The following LPA variants were observed in gnomAD, a reference collection of about 807,000 sequenced individuals.
LPA encodes the protein apolipoprotein(a).
A neutral mutation model predicts 197.9 loss-of-function variants in LPA; 199 were observed. The ratio of observed to expected loss-of-function variants is 1.01; its 90% CI spans 0.90 to 1.13. The LOEUF (loss-of-function observed/expected upper bound fraction) is 1.13, where lower values mean the gene tolerates loss of function less well. Ranked by LOEUF, LPA falls within the 50% of genes most tolerant of loss-of-function variation. LPA has a pLI of 0.00. For missense variants in LPA, 1,853 were observed against 1,785.8 expected (o/e 1.04, Z -0.68); for synonymous variants, 715 against 639.5 (o/e 1.12, Z -1.78).
chr6:160,648,790 G>T (rs890827378), intron 2 of LPA, among the ~76,000 whole-genome samples: 1 of 152,062 alleles, frequency 6.6e-6, no homozygotes, highest in African/African-American at 2.4e-5. Context: ...TGGATAAGGT[G>T]TCTGTTGCAT....
In LPA at chr6:160,560,425, C is replaced by A. The variant is rs563598478; in HGVS notation, c.4632-2854G>T. Among the ~76,000 whole-genome samples the A allele has an allele frequency of 2.7e-4, 41 of 152,202 alleles. 1 individual carries two copies. The highest frequency in any genetic ancestry group is 9.6e-4 in the African/African-American group (40 of 41,560). On this transcript the variant is annotated intron_variant, in intron 28 of 38. Transcript: ENST00000316300. ...CCACCAACAGTGTAAATGTGTTCCT[C>A]TTTCTCCACACATCCTCTTCAGCAT...
At chr6:160,663,844 C>T (rs41269848) in intron 1 of LPA, among the ~76,000 whole-genome samples, 30 of 152,146 alleles carry the variant, frequency 2.0e-4, no homozygotes, top group African/African-American at 7.0e-4. Context: ...GAGAACCAAG[C>T]GAAGAGCTTA....
At chr6:160,658,891 TGAGAGAGA>T (rs4063599) in intron 1 of LPA, among the ~76,000 whole-genome samples, 2 of 148,932 alleles carry the variant, frequency 1.3e-5, no homozygotes, top group Non-Finnish European at 3.0e-5. Context: ...TATATATATA[TGAGAGAGA>T]GAGAGAGAGA....
At chr6:160,637,709 G>T (rs146562555) in intron 6 of LPA, among the ~76,000 whole-genome samples, 3,345 of 126,744 alleles carry the variant, frequency 0.026, no homozygotes, top group Admixed American at 0.098. Flanking sequence ...ATTTAATTTG[G>T]CTATTCTGTA....
At chr6:160,647,778 T>C (rs778581533) in intron 2 of LPA, among the ~76,000 whole-genome samples, 1 of 152,250 alleles carries the variant, frequency 6.6e-6, no homozygotes, top group Non-Finnish European at 1.5e-5. Context: ...GTTCAAATTT[T>C]TACTTCTACA....
chr6:160,595,130 G>A (rs1405016566), intron 21 of LPA, among the ~76,000 whole-genome samples: 1 of 152,042 alleles, frequency 6.6e-6, no homozygotes, highest in Non-Finnish European at 1.5e-5. Flanking sequence ...GTGCCCTAGA[G>A]GGTCTGCACC....
Position 160,633,834 on chromosome 6 carries a change from G to C in LPA, c.1154C>G (p.Thr385Ser), listed in dbSNP as rs771587019. The C allele has an allele frequency of 4.9e-6, 7 of 1,415,602 alleles. 1 individual carries two copies. The highest frequency in any genetic ancestry group is 4.8e-6 in the Non-Finnish European group (5 of 1,036,638). The allele number at this position is 1,415,602 out of a possible 1,614,324, so 87.7% of individuals were successfully genotyped here. A position where few individuals can be genotyped will look rare whatever the true frequency, so the allele number is the denominator to read the frequency against. Residue 385 changes from threonine (T) to serine (S), a missense_variant, in exon 8 of 39, where the codon ACT becomes AGT. Thr to Ser is a moderately conservative substitution (Grantham distance 58, BLOSUM62 1). Around this residue, in one of 3 missense-constraint regions of LPA, gnomAD observed 28 missense variants for 198.4 expected, o/e 0.14. Transcript: ENST00000316300. ...AGCTTGGCAGGTTCTTCCAGTGACA[G>C]TGGTGGAGTATGTGCCTCGATAACT... ...GQSYRGTYSTTVTGRTCQAWS... is the reference protein window; with the variant it reads ...GQSYRGTYSTSVTGRTCQAWS...
intron 30 of LPA, among the ~76,000 whole-genome samples, chr6:160,555,280 T>TTA (rs1778237227): frequency 8.1e-6 from 1 of 122,958 alleles, no homozygotes; most frequent in East Asian, 2.2e-4. Flanking sequence ...TTATATTATA[T>TTA]TATATTATAT....
intron 30 of LPA, among the ~76,000 whole-genome samples, chr6:160,551,016 G>A (rs529938789): frequency 7.9e-5 from 12 of 152,142 alleles, no homozygotes; most frequent in Non-Finnish European, 1.8e-4. Context: ...AGATGTCTTC[G>A]TGGACTTATG....
At chr6:160,647,458 C>G (rs1013509779) in intron 2 of LPA, among the ~76,000 whole-genome samples, 7 of 152,132 alleles carry the variant, frequency 4.6e-5, no homozygotes. Flanking sequence ...AGTGGCTCTA[C>G]ACATGTGGCC....
intron 28 of LPA, among the ~76,000 whole-genome samples, chr6:160,567,042 A>G (rs978653211): frequency 6.6e-6 from 1 of 152,158 alleles, no homozygotes; most frequent in Admixed American, 6.6e-5. Flanking sequence ...CACAATAATA[A>G]TGGGAGACTT....
chr6:160,575,270 T>G (rs2115028279), intron 28 of LPA, among the ~76,000 whole-genome samples: 1 of 152,318 alleles, frequency 6.6e-6, no homozygotes, highest in South Asian at 2.1e-4. Context: ...CTTTCTTCTC[T>G]TGTGATATCT....
At chr6:160,576,340 G>GTATA (rs71542980) in intron 28 of LPA, among the ~76,000 whole-genome samples, 14 of 40,412 alleles carry the variant, frequency 3.5e-4, no homozygotes, top group Non-Finnish European at 5.8e-4. Flanking sequence ...GTGTGTGTGT[G>GTATA]TATATATATA....
chr6:160,531,954 C>T (rs1777814138), intron 38 of LPA, 64 bp from the exon 39 acceptor site: 2 of 1,548,938 alleles, frequency 1.3e-6, no homozygotes, highest in Non-Finnish European at 1.8e-6. Flanking sequence ...TATGGGATGC[C>T]ATCCTTCTCT....
intron 28 of LPA, among the ~76,000 whole-genome samples, chr6:160,561,109 C>T (rs1239822885): frequency 1.3e-5 from 2 of 152,132 alleles, no homozygotes; most frequent in Non-Finnish European, 2.9e-5. Context: ...TGGGCTTTCA[C>T]TGTGTTAGCC....
chr6:160,531,993 C>G (rs550673995), intron 38 of LPA, 103 bp from the exon 39 acceptor site: 16 of 1,354,006 alleles, frequency 1.2e-5, no homozygotes, highest in African/African-American at 5.7e-5. Flanking sequence ...CCCAGTAATT[C>G]AAATCAGAAA....
At chr6:160,584,595 G>A (rs952882971) in intron 26 of LPA, among the ~76,000 whole-genome samples, 1 of 151,982 alleles carries the variant, frequency 6.6e-6, no homozygotes, top group Non-Finnish European at 1.5e-5. Context: ...TCCTCCCAAA[G>A]TGTTGGGATC....
intron 16 of LPA, among the ~76,000 whole-genome samples, chr6:160,607,429 G>A (rs1261516053): frequency 6.6e-6 from 1 of 152,118 alleles, no homozygotes; most frequent in Non-Finnish European, 1.5e-5. Context: ...AGGGAAAGGG[G>A]GATGAGTTGA....
intron 30 of LPA, among the ~76,000 whole-genome samples, chr6:160,555,293 TAG>T (rs1491228114): frequency 3.4e-5 from 3 of 87,956 alleles, no homozygotes; most frequent in Admixed American, 1.1e-4. Context: ...TATTATATGT[TAG>T]TGTGTGTGTG....
Sources: gnomAD v4.1 joint callset for allele counts (sites outside exome capture counted in the v4.1 genomes callset) on GRCh38, gnomAD v4.1.1 for gene constraint, gnomAD v4.1.1 regional missense constraint, MANE v1.5 for transcripts, NCBI Gene and HGNC (gene_info 2026-07-23, HGNC 2026-07-21) for gene names.